The following LRRC14 variants were observed in gnomAD, a reference collection of about 807,000 sequenced individuals.
LRRC14 encodes the protein leucine rich repeat containing 14, also known as leucine-rich repeat-containing protein 14.
Under a neutral mutation model 25.3 loss-of-function variants are expected in LRRC14, and 16 were observed. That is an observed-to-expected ratio of 0.63 (90% confidence interval 0.43 to 0.96). The LOEUF (loss-of-function observed/expected upper bound fraction) is 0.96, where lower values mean the gene tolerates loss of function less well. Ranked by LOEUF, LRRC14 falls within the 40% of genes least tolerant of loss-of-function variation. The pLI is 0.00. For missense variants in LRRC14, 594 were observed against 660.5 expected, an observed-to-expected ratio of 0.90 and a Z score of 1.10; for synonymous variants, 359 against 295.1, an observed-to-expected ratio of 1.22 and a Z score of -2.22.
Position 144,524,706 on chromosome 8 carries a change from T to C in LRRC14, c.*3228T>C. The C allele has an allele frequency of 6.8e-7, 1 of 1,460,806 alleles. No individual in the cohort carries two copies. The highest frequency in any genetic ancestry group is 1.4e-5 in the South Asian group (1 of 72,820). 90.5% of individuals were successfully genotyped at this position (1,460,806 alleles called of 1,614,324 possible). A position where few individuals can be genotyped will look rare whatever the true frequency, so the allele number is the denominator to read the frequency against. On this transcript the variant is annotated 3_prime_UTR_variant, in exon 4 of 4. Transcript: ENST00000292524. ...CTCTAGGCGGGCGATGTTGTTGTCC[T>C]GCAGGAACAGTGTCTGCAGGCCGGG...
At position 144,522,456 on chromosome 8, in the gene LRRC14, CA is replaced by C; in HGVS notation, c.*979del. ...ACCGGCCAATCTCCGGCGCCCACGT[CA>C]TCCGCGCGCCCGCGGCCCTAGCAGT... On this transcript the variant is annotated 3_prime_UTR_variant, in exon 4 of 4. Coordinates refer to ENST00000292524, the MANE Select transcript of LRRC14 (RefSeq NM_014665.4). 1.4e-6 allele frequency: 2 copies of C among 1,401,288 alleles called. No homozygotes were observed. Among genetic ancestry groups the C allele is most frequent in the Non-Finnish European group, 1.8e-6 (2 of 1,086,418 alleles). 86.8% of individuals were successfully genotyped at this position (1,401,288 alleles called of 1,614,324 possible).
Position 144,523,398 on chromosome 8 carries a change from G to T in LRRC14, c.*1920G>T. On this transcript the variant is annotated 3_prime_UTR_variant, in exon 4 of 4. Transcript: ENST00000292524. ...AGCCAGTGCAGGGCGCAGTCACAGC[G>T]CCATGGGTTCTCTGTGGGAGAGCAG... 1.3e-6 allele frequency: 2 copies of T among 1,533,838 alleles called. No homozygotes were observed. Among genetic ancestry groups the T allele is most frequent in the South Asian group, 1.3e-5 (1 of 78,562 alleles).
Position 144,519,812 on chromosome 8 carries a change from A to T in LRRC14, c.87A>T (p.Glu29Asp), listed in dbSNP as rs759305470. Residue 29 changes from glutamate to aspartate, a missense_variant, in exon 2 of 4, where the codon GAA (glutamate) becomes GAT (aspartate). Glu to Asp is a conservative substitution (Grantham distance 45). Coordinates refer to ENST00000292524, the MANE Select transcript of LRRC14 (RefSeq NM_014665.4). Reference sequence around the variant, plus strand: ...AGGCCCTGCCCTTGCTGCCACGCGAACTCTTCCCCCTGCTGTTCAAGGTGG... The same window carrying T: ...AGGCCCTGCCCTTGCTGCCACGCGATCTCTTCCCCCTGCTGTTCAAGGTGG... ...ACQALPLLPR[E>D]LFPLLFKVAF... The T allele has an allele frequency of 1.7e-4, 270 of 1,612,992 alleles. No homozygotes were observed. The highest frequency in any genetic ancestry group is 5.8e-4 in the Admixed American group (35 of 59,992).
rs757451756 is a variant in LRRC14 at position 144,524,330 on chromosome 8, A to G, written c.*2852A>G. The stretch of plus-strand genomic sequence containing the variant: ...GAAAAAGGGCGCCGAGGTTGGGGGC[A>G]TGTCTCTCTTCTTACCAAGCTAGAC... On this transcript the variant is annotated 3_prime_UTR_variant, in exon 4 of 4. Transcript: ENST00000292524. 24 of 1,601,236 alleles carry G rather than the reference A, an allele frequency of 1.5e-5. No individual in the cohort carries two copies. The highest frequency in any genetic ancestry group is 1.8e-5 in the Non-Finnish European group (21 of 1,179,062).
In LRRC14 at chr8:144,521,479, TGAA is replaced by T; in HGVS notation, c.*3_*5del. On this transcript the variant is annotated 3_prime_UTR_variant, in exon 4 of 4. Transcript: ENST00000292524. ...GGCTGCGGACTACTTCAGCCTATGA[TGAA>T]GTAGCTCTGGGTGAGACACAGGCCG... is the stretch of plus-strand genomic sequence containing the variant. The T allele has an allele frequency of 6.3e-7, 1 of 1,594,534 alleles. No individual in the cohort carries two copies. Among genetic ancestry groups the T allele is most frequent in the Non-Finnish European group, 8.5e-7 (1 of 1,175,010 alleles).
Position 144,520,544 on chromosome 8 carries a change from C to T in LRRC14, c.636C>T (p.Ala212=), listed in dbSNP as rs745427301. 5 of 1,599,786 alleles carry T rather than the reference C, an allele frequency of 3.1e-6. No individual in the cohort carries two copies. The African/African-American group carries it at 5.3e-5, about 17-fold the overall frequency. Residue 212 remains alanine, a synonymous_variant, in exon 3 of 4, where the codon GCC becomes GCT. Transcript: ENST00000292524. ...AEDLPMRNTV[A]LLQLLDAGCL... ...ACCTGCCCATGCGCAACACTGTGGC[C>T]CTGCTGCAGCTTCTGGATGCAGGCT...
rs1394003516 is a variant in LRRC14, at chr8:144,519,758, G to A, written c.33G>A (p.Gln11=). 6.2e-7 allele frequency: 1 copy of A among 1,612,754 alleles called. No homozygotes were observed. The highest frequency in any genetic ancestry group is 8.5e-7 in the Non-Finnish European group (1 of 1,179,978). The change falls in exon 2 of 4, where the codon CAG becomes CAA. Residue 11 remains glutamine, a synonymous_variant. Transcript: ENST00000292524. ...CGCTTGTGTTCTTGAGCACACGGCA[G>A]GTGCTGCAGTGCCAGCCAGCTGCCT... MHTLVFLSTR[Q]VLQCQPAACQ... is the part of the protein sequence containing the mutation.
At position 144,524,978 on chromosome 8, in the gene LRRC14, C is replaced by T. The variant is rs2130798617; in HGVS notation, c.*3500C>T. On this transcript the variant is annotated 3_prime_UTR_variant, in exon 4 of 4. Transcript: ENST00000292524. ...GTGCGGGGGCCCTCAGGGCCATCTCCCGAGGCCCGGTTCCTCACCGGCCCT... is the reference window on the plus strand; with the variant it reads ...GTGCGGGGGCCCTCAGGGCCATCTCTCGAGGCCCGGTTCCTCACCGGCCCT... 2 of 1,449,236 alleles carry T rather than the reference C, an allele frequency of 1.4e-6. No homozygotes were observed. The highest frequency in any genetic ancestry group is 2.7e-5 in the South Asian group (2 of 74,266). The allele number at this position is 1,449,236 out of a possible 1,614,324, so 89.8% of individuals were successfully genotyped here. A position where few individuals can be genotyped will look rare whatever the true frequency, so the allele number is the denominator to read the frequency against.
In LRRC14 at chr8:144,524,551, G is replaced by C; in HGVS notation, c.*3073G>C. 6.3e-7 allele frequency: 1 copy of C among 1,579,304 alleles called. No homozygotes were observed. The highest frequency in any genetic ancestry group is 2.3e-5 in the East Asian group (1 of 44,100). On this transcript the variant is annotated 3_prime_UTR_variant, in exon 4 of 4. Coordinates refer to ENST00000292524, the MANE Select transcript of LRRC14 (RefSeq NM_014665.4). ...AAGGCGCCGCTGCGCAAGCCGCGCA[G>C]CCGGTTGCTAGTGAGCGCCAGCTCC...
At position 144,521,144 on chromosome 8, in the gene LRRC14, T is replaced by C. The variant is rs1445073235; in HGVS notation, c.1148T>C (p.Leu383Ser). 47 of 1,613,024 alleles carry C rather than the reference T, an allele frequency of 2.9e-5. No homozygotes were observed. Among genetic ancestry groups the C allele is most frequent in the Non-Finnish European group, 3.8e-5 (45 of 1,180,038 alleles). ...TECQLADTQL[L>S]ATLPILTQCA... ...TGTCAGCTCGCAGACACCCAGCTGT[T>C]GGCCACACTACCCATCCTGACTCAG... Residue 383 changes from leucine to serine, a missense_variant, in exon 4 of 4, where the codon TTG (leucine) becomes TCG (serine). Coordinates refer to ENST00000292524, the MANE Select transcript of LRRC14 (RefSeq NM_014665.4).
rs772861025 is a variant in LRRC14, at chr8:144,522,777, G to C, written c.*1299G>C. 6 of 1,561,606 alleles carry C rather than the reference G, an allele frequency of 3.8e-6. No individual in the cohort carries two copies. Among genetic ancestry groups the C allele is most frequent in the Admixed American group, 1.9e-5 (1 of 53,990 alleles). On this transcript the variant is annotated 3_prime_UTR_variant, in exon 4 of 4. Coordinates refer to ENST00000292524, the MANE Select transcript of LRRC14 (RefSeq NM_014665.4). ...ACCAGGAGCAGCGCCGTGAGCGCCA[G>C]CAGCGCGATGGCCGCCGCAATGGCC...
At chr8:144,520,207 C>G (rs2130770828) in intron 2 of LRRC14, 31 bp from the exon 3 acceptor site, 3 of 1,596,640 alleles carry the variant, frequency 1.9e-6, no homozygotes, top group Non-Finnish European at 1.7e-6. Flanking sequence ...GCTGCCCCTC[C>G]ACCCCTTCCT....
Position 144,522,720 on chromosome 8 carries a change from T to C in LRRC14, c.*1242T>C, listed in dbSNP as rs1487965514. 6.3e-7 allele frequency: 1 copy of C among 1,595,282 alleles called. No homozygotes were observed. Among genetic ancestry groups the C allele is most frequent in the Non-Finnish European group, 8.5e-7 (1 of 1,172,166 alleles). ...TCCCCCGGAGGCCCCCGCGCCTTTT[T>C]TCGCCTGCGGCGCCGGCGACAGATC... On this transcript the variant is annotated 3_prime_UTR_variant, in exon 4 of 4. Coordinates refer to ENST00000292524, the MANE Select transcript of LRRC14 (RefSeq NM_014665.4).
chr8:144,523,371 C>G lies in LRRC14; in HGVS notation c.*1893C>G, dbSNP rs200030559. 26 of 1,569,702 alleles carry G rather than the reference C, an allele frequency of 1.7e-5. No individual in the cohort carries two copies. Among genetic ancestry groups the G allele is most frequent in the Non-Finnish European group, 7.8e-6 (9 of 1,155,664 alleles). ...TGGCCGCCCTCCTTGATCCAGGCAC[C>G]CAGCCAGTGCAGGGCGCAGTCACAG... On this transcript the variant is annotated 3_prime_UTR_variant, in exon 4 of 4. Transcript: ENST00000292524.
At position 144,523,330 on chromosome 8, in the gene LRRC14, G is replaced by C; in HGVS notation, c.*1852G>C. 6.3e-7 allele frequency: 1 copy of C among 1,596,814 alleles called. No homozygotes were observed. Among genetic ancestry groups the C allele is most frequent in the African/African-American group, 1.3e-5 (1 of 74,586 alleles). The stretch of plus-strand genomic sequence containing the variant: ...CTGCACACATGATCTTCCTGTCCCT[G>C]GAGGTGAGCAGCCGCTGGCCGCCCT... On this transcript the variant is annotated 3_prime_UTR_variant, in exon 4 of 4. Coordinates refer to ENST00000292524, the MANE Select transcript of LRRC14 (RefSeq NM_014665.4).
chr8:144,522,931 G>A lies in LRRC14; in HGVS notation c.*1453G>A. The A allele has an allele frequency of 6.5e-7, 1 of 1,529,784 alleles. No homozygotes were observed. Among genetic ancestry groups the A allele is most frequent in the Non-Finnish European group, 8.7e-7 (1 of 1,148,470 alleles). 94.8% of individuals were successfully genotyped at this position (1,529,784 alleles called of 1,614,324 possible). A position where few individuals can be genotyped will look rare whatever the true frequency, so the allele number is the denominator to read the frequency against. On this transcript the variant is annotated 3_prime_UTR_variant, in exon 4 of 4. Transcript: ENST00000292524. ...GCTGCGGCTGCTGCCGGGACGCGTT[G>A]ACCAGGAGCCGGAAGGGCACGCGGG...
Position 144,523,406 on chromosome 8 carries a change from T to G in LRRC14, c.*1928T>G. On this transcript the variant is annotated 3_prime_UTR_variant, in exon 4 of 4. Coordinates refer to ENST00000292524, the MANE Select transcript of LRRC14 (RefSeq NM_014665.4). ...CAGGGCGCAGTCACAGCGCCATGGG[T>G]TCTCTGTGGGAGAGCAGCGTTAGGC... 6.5e-7 allele frequency: 1 copy of G among 1,529,136 alleles called. No individual in the cohort carries two copies. The highest frequency in any genetic ancestry group is 8.8e-7 in the Non-Finnish European group (1 of 1,138,526). The allele number at this position is 1,529,136 out of a possible 1,614,324, so 94.7% of individuals were successfully genotyped here. A position where few individuals can be genotyped will look rare whatever the true frequency, so the allele number is the denominator to read the frequency against.
rs1816231928 is a variant in LRRC14, at chr8:144,523,797, G to A, written c.*2319G>A. On this transcript the variant is annotated 3_prime_UTR_variant, in exon 4 of 4. Coordinates refer to ENST00000292524, the MANE Select transcript of LRRC14 (RefSeq NM_014665.4). ...CCTTTGGATGCCCTCTCTTGGGAATGTCCCCAGTCCTGGTCAGCTGTCTCT... is the reference window on the plus strand; with the variant it reads ...CCTTTGGATGCCCTCTCTTGGGAATATCCCCAGTCCTGGTCAGCTGTCTCT... The A allele has an allele frequency of 4.7e-6, 2 of 422,468 alleles. No individual in the cohort carries two copies. The highest frequency in any genetic ancestry group is 4.0e-5 in the Admixed American group (1 of 24,844). The allele number at this position is 422,468 out of a possible 1,614,324, so 26.2% of individuals were successfully genotyped here.
chr8:144,524,358 G>A lies in LRRC14; in HGVS notation c.*2880G>A, dbSNP rs1816265900. ...TCTCTCTTCTTACCAAGCTAGACTG[G>A]GTTGCCTTTTCTAACTATTCCAGCC... On this transcript the variant is annotated 3_prime_UTR_variant, in exon 4 of 4. Transcript: ENST00000292524. 7 of 1,594,904 alleles carry A rather than the reference G, an allele frequency of 4.4e-6. No homozygotes were observed. Among genetic ancestry groups the A allele is most frequent in the South Asian group, 1.1e-5 (1 of 90,900 alleles).
Sources: gnomAD v4.1 joint callset for allele counts on GRCh38, gnomAD v4.1.1 for gene constraint, MANE v1.5 for transcripts, NCBI Gene and HGNC (gene_info 2026-07-23, HGNC 2026-07-21) for gene names.